Variants in ACOXL observed in about 807,000 individuals in gnomAD.
The protein encoded by ACOXL is acyl-coenzyme A oxidase-like protein.
In ACOXL, 70 loss-of-function variants were observed where a neutral mutation model predicts 71.9. The observed-to-expected ratio is 0.97, with a 90% CI of 0.80 to 1.19. The LOEUF is 1.19. ACOXL is among the 50% of genes most tolerant of loss of function. The probability of loss-of-function intolerance (pLI) is 0.00; values close to 1 mark genes in which losing one functional copy is unlikely to be tolerated. For missense variants in ACOXL, 703 were observed against 736.3 expected, an observed-to-expected ratio of 0.95 and a Z score of 0.52; for synonymous variants, 253 against 281.6, an observed-to-expected ratio of 0.90 and a Z score of 1.02.
chr2:111,064,457 C>CAAAAAAA (rs2066969778), intron 16 of ACOXL, among the ~76,000 whole-genome samples: 1 of 126,414 alleles, frequency 7.9e-6, no homozygotes, highest in African/African-American at 2.9e-5. Flanking sequence ...AAAAAAAAAA[C>CAAAAAAA]AACAACTATA....
intron 14 of ACOXL, among the ~76,000 whole-genome samples, chr2:111,006,915 G>C (rs1195285429): frequency 2.7e-5 from 4 of 147,430 alleles, no homozygotes; most frequent in Non-Finnish European, 4.5e-5. Context: ...ACTAGGAATT[G>C]CATTTTCTCT....
chr2:111,064,012 G>A (rs1296279588), intron 16 of ACOXL, among the ~76,000 whole-genome samples: 3 of 152,194 alleles, frequency 2.0e-5, no homozygotes, highest in Admixed American at 6.5e-5. Context: ...ACTCAGCAAG[G>A]TTGCAGATAC....
chr2:110,883,813 C>T lies in ACOXL; in HGVS notation c.789-24976C>T, dbSNP rs544518392. Among the ~76,000 whole-genome samples, 310 of 152,148 alleles carry T rather than the reference C, an allele frequency of 2.0e-3. 2 individuals carry two copies. The highest frequency in any genetic ancestry group is 7.3e-3 in the African/African-American group (304 of 41,490). On this transcript the variant is annotated intron_variant, in intron 10 of 17. Coordinates refer to ENST00000439055, the MANE Select transcript of ACOXL (RefSeq NM_001142807.4). ...TGCCTTTGAACTAGAAATTTCTTTT[C>T]TAGAAATGTACTTAAAGACATACTC... is the stretch of plus-strand genomic sequence containing the variant.
chr2:110,740,190 C>T (rs73954668), intron 1 of ACOXL, among the ~76,000 whole-genome samples: 1,867 of 152,248 alleles, frequency 0.012, 43 homozygotes, highest in African/African-American at 0.043. Flanking sequence ...GAGGTGATGC[C>T]GATGGGACAG....
intron 2 of ACOXL, among the ~76,000 whole-genome samples, chr2:110,775,138 C>T (rs1247482224): frequency 2.6e-5 from 4 of 152,196 alleles, no homozygotes; most frequent in South Asian, 2.1e-4. Context: ...ACGTTGGAAG[C>T]TTACCTTACA....
intron 16 of ACOXL, among the ~76,000 whole-genome samples, chr2:111,064,455 A>AC (rs1340234491): frequency 2.6e-5 from 4 of 151,404 alleles, no homozygotes; most frequent in Non-Finnish European, 4.4e-5. Context: ...ACAAAAAAAA[A>AC]ACAACAACTA....
chr2:110,986,516 A>G (rs1368826312), intron 12 of ACOXL, among the ~76,000 whole-genome samples: 1 of 152,198 alleles, frequency 6.6e-6, no homozygotes, highest in Non-Finnish European at 1.5e-5. Context: ...CGCTGGTCCA[A>G]GGTGGCCTCG....
At chr2:110,940,438 G>A (rs1169103240) in intron 12 of ACOXL, among the ~76,000 whole-genome samples, 1 of 152,212 alleles carries the variant, frequency 6.6e-6, no homozygotes, top group African/African-American at 2.4e-5. Flanking sequence ...TCACTGGAAT[G>A]TTATTAATTT....
chr2:110,972,637 A>G (rs919922454), intron 12 of ACOXL, among the ~76,000 whole-genome samples: 2 of 121,214 alleles, frequency 1.6e-5, no homozygotes, highest in African/African-American at 3.1e-5. Flanking sequence ...GCACATGCAC[A>G]CACACACACG....
At position 111,088,675 on chromosome 2, in the gene ACOXL, A is replaced by T. The variant is rs7590313; in HGVS notation, c.1441-4190A>T. ...AGGGAGAGGATCAGGAAACATAACT[A>T]TCGGGTACTAGGCTTGGTACATGGG... On this transcript the variant is annotated intron_variant, in intron 16 of 17. Transcript: ENST00000439055. Among the ~76,000 whole-genome samples the T allele has an allele frequency of 8.5e-3, 1,298 of 152,236 alleles. 10 individuals are homozygous for T. The highest frequency in any genetic ancestry group is 0.029 in the African/African-American group (1,201 of 41,532).
chr2:111,043,076 T>A (rs925693119), intron 15 of ACOXL, among the ~76,000 whole-genome samples: 1 of 152,180 alleles, frequency 6.6e-6, no homozygotes, highest in African/African-American at 2.4e-5. Context: ...AAGAGATGCA[T>A]GCTGGCTCCT....
At chr2:110,830,125 T>C (rs895231899) in intron 9 of ACOXL, among the ~76,000 whole-genome samples, 5 of 152,232 alleles carry the variant, frequency 3.3e-5, no homozygotes, top group African/African-American at 1.2e-4. Flanking sequence ...CCATATTTTT[T>C]CTTTAGTAGA....
chr2:111,111,098 T>G (rs1281412210), intron 17 of ACOXL, among the ~76,000 whole-genome samples: 1 of 152,132 alleles, frequency 6.6e-6, no homozygotes, highest in Non-Finnish European at 1.5e-5. Context: ...TTTTAATTTA[T>G]TTTATTTATT....
chr2:110,749,727 C>T (rs1553525976), intron 1 of ACOXL, among the ~76,000 whole-genome samples: 1 of 152,162 alleles, frequency 6.6e-6, no homozygotes, highest in Non-Finnish European at 1.5e-5. Flanking sequence ...GACTGCATCT[C>T]AGAAAAACAA....
chr2:110,987,056 A>G, intron 12 of ACOXL, 52 bp from the exon 13 acceptor site: 1 of 1,432,314 alleles, frequency 7.0e-7, no homozygotes, highest in Non-Finnish European at 9.6e-7. Flanking sequence ...TATTAAAGAT[A>G]CTGTCATTTT....
In ACOXL at chr2:111,059,153, C is replaced by G. The variant is rs1574632819; in HGVS notation, c.1440+9865C>G. Among the ~76,000 whole-genome samples the G allele has an allele frequency of 2.0e-5, 3 of 152,184 alleles. No individual in the cohort carries two copies. In the South Asian group the frequency reaches 6.2e-4, roughly 32 times the overall value. On this transcript the variant is annotated intron_variant, in intron 16 of 17. Coordinates refer to ENST00000439055, the MANE Select transcript of ACOXL (RefSeq NM_001142807.4). ...TCAGGAGGTTGAGGCTGGGGAATCA[C>G]CTGAACCTAGAAATTTGAGGTTACA... is the stretch of plus-strand genomic sequence containing the variant.
chr2:110,987,150 G>A lies in ACOXL; in HGVS notation c.1102G>A (p.Glu368Lys). ...ELLAQYTKQY[E>K]EKPLFGLLQN... Reference sequence around the variant, plus strand: ...GCTGGCCCAATACACCAAACAGTATGAAGAAAAACCACTCTTTGGCCTGCT... The same window carrying A: ...GCTGGCCCAATACACCAAACAGTATAAAGAAAAACCACTCTTTGGCCTGCT... Residue 368 changes from glutamate to lysine, a missense_variant, in exon 13 of 18, where the codon GAA becomes AAA. Transcript: ENST00000439055. The A allele has an allele frequency of 1.3e-6, 2 of 1,578,834 alleles. No individual in the cohort carries two copies. Among genetic ancestry groups the A allele is most frequent in the Non-Finnish European group, 1.7e-6 (2 of 1,159,236 alleles).
intron 12 of ACOXL, among the ~76,000 whole-genome samples, chr2:110,970,697 A>T (rs1019978330): frequency 6.6e-6 from 1 of 152,208 alleles, no homozygotes; most frequent in Non-Finnish European, 1.5e-5. Flanking sequence ...TTTCTGACAA[A>T]GTTGCAAAAG....
chr2:110,768,544 T>G, intron 2 of ACOXL, 80 bp downstream of exon 2: 4 of 1,243,892 alleles, frequency 3.2e-6, no homozygotes, highest in Non-Finnish European at 4.6e-6. Flanking sequence ...GAGAGTTTTT[T>G]TCTCTCCAGC....
Sources: allele counts gnomAD v4.1 joint callset (sites outside exome capture counted in the v4.1 genomes callset), GRCh38; gene constraint gnomAD v4.1.1; transcripts MANE v1.5; gene names NCBI Gene and HGNC (gene_info 2026-07-23, HGNC 2026-07-21).